The following ZNF385D variants were observed in gnomAD, a reference collection of about 807,000 sequenced individuals.
The protein encoded by ZNF385D is zinc finger protein 385D.
A neutral mutation model predicts 35.8 loss-of-function variants in ZNF385D; 15 were observed. That is an observed-to-expected ratio of 0.42 (90% CI 0.28 to 0.64). ZNF385D has a LOEUF of 0.64. ZNF385D is among the 30% of genes least tolerant of loss of function. The pLI is 0.23. For missense variants in ZNF385D, 474 were observed against 494.6 expected, an observed-to-expected ratio of 0.96 and a Z score of 0.39; for synonymous variants, 212 against 186.8, an observed-to-expected ratio of 1.13 and a Z score of -1.10.
chr3:22,014,265 A>G (rs1696747179), intron 3 of ZNF385D, among the ~76,000 whole-genome samples: 1 of 152,110 alleles, frequency 6.6e-6, no homozygotes, highest in South Asian at 2.1e-4. Flanking sequence ...GAAATTGCCC[A>G]ATGGCAAAAG....
chr3:22,341,686 T>C (rs1308215676), intron 2 of ZNF385D, among the ~76,000 whole-genome samples: 3 of 152,308 alleles, frequency 2.0e-5, no homozygotes, highest in Non-Finnish European at 2.9e-5. Context: ...TAGTCATATC[T>C]TTTGGAGGCT....
At chr3:22,065,672 T>G (rs1559342451) in intron 3 of ZNF385D, among the ~76,000 whole-genome samples, 1 of 152,072 alleles carries the variant, frequency 6.6e-6, no homozygotes, top group Non-Finnish European at 1.5e-5. Flanking sequence ...CACAGGACCA[T>G]AATCTAAAAG....
At chr3:22,029,277 G>A (rs1697763953) in intron 3 of ZNF385D, among the ~76,000 whole-genome samples, 1 of 152,186 alleles carries the variant, frequency 6.6e-6, no homozygotes, top group Admixed American at 6.5e-5. Flanking sequence ...CTCCAGCATG[G>A]AAGTAAGGAA....
At chr3:22,203,919 C>T (rs185041748) in intron 2 of ZNF385D, among the ~76,000 whole-genome samples, 157 of 152,110 alleles carry the variant, frequency 1.0e-3, no homozygotes, top group Non-Finnish European at 1.7e-3. Flanking sequence ...ACTTGTTGCC[C>T]GAAGGGAAGA....
At chr3:22,232,787 T>C (rs529029372) in intron 2 of ZNF385D, among the ~76,000 whole-genome samples, 47 of 152,168 alleles carry the variant, frequency 3.1e-4, no homozygotes, top group Non-Finnish European at 4.7e-4. Context: ...TTTGTCATTA[T>C]TGTGGCTTCA....
chr3:21,532,681 CAA>C (rs58032064), intron 3 of ZNF385D, among the ~76,000 whole-genome samples: 26 of 126,836 alleles, frequency 2.0e-4, no homozygotes, highest in African/African-American at 4.6e-4. Context: ...ATAATATTTC[CAA>C]AAAAAAAAAA....
intron 3 of ZNF385D, among the ~76,000 whole-genome samples, chr3:22,145,425 C>T (rs574004034): frequency 3.3e-4 from 50 of 152,348 alleles, no homozygotes; most frequent in African/African-American, 1.0e-3. Flanking sequence ...CTCCTCTCTT[C>T]ATACACCTTG....
chr3:22,206,969 G>GT lies in ZNF385D; in HGVS notation c.107-37935dup, dbSNP rs1002496771. Among the ~76,000 whole-genome samples, 4 of 151,664 alleles carry GT rather than the reference G, an allele frequency of 2.6e-5. No homozygotes were observed. The South Asian group carries it at 6.2e-4, about 24-fold the overall frequency. On this transcript the variant is annotated intron_variant, in intron 2 of 5. Coordinates refer to the ZNF385D transcript ENST00000494108. ...AATACCGAAGACTACAAAATGAAAA[G>GT]TTTTTTTGGATATATAAACAAAACT...
upstream of ZNF385D, among the ~76,000 whole-genome samples, chr3:21,752,181 A>G (rs973725764): frequency 6.6e-6 from 1 of 152,218 alleles, no homozygotes; most frequent in East Asian, 1.9e-4. Context: ...AGCTGTGCTG[A>G]TTAATACTTA....
intron 3 of ZNF385D, among the ~76,000 whole-genome samples, chr3:21,783,571 G>A (rs1437219248): frequency 6.6e-6 from 1 of 152,084 alleles, no homozygotes; most frequent in African/African-American, 2.4e-5. Flanking sequence ...TAACAGCATT[G>A]TTTAATGTAA....
chr3:22,224,286 C>T (rs1014215745), intron 2 of ZNF385D, among the ~76,000 whole-genome samples: 1 of 152,110 alleles, frequency 6.6e-6, no homozygotes, highest in Non-Finnish European at 1.5e-5. Context: ...TATTTTTAAT[C>T]TTCTTTGGAG....
intron 3 of ZNF385D, chr3:21,849,771 G>C (rs1031107977): frequency 4.6e-5 from 7 of 151,806 alleles, no homozygotes; most frequent in African/African-American, 1.7e-4. Flanking sequence ...TTATTGAGTA[G>C]AGGTCTAAAC....
chr3:21,821,226 G>C (rs1487322812), intron 3 of ZNF385D, among the ~76,000 whole-genome samples: 1 of 151,398 alleles, frequency 6.6e-6, no homozygotes, highest in East Asian at 1.9e-4. Context: ...CATAAATTTA[G>C]ATGAAAAAAA....
chr3:22,139,637 G>A (rs1182488762), intron 3 of ZNF385D, among the ~76,000 whole-genome samples: 2 of 150,486 alleles, frequency 1.3e-5, no homozygotes, highest in Non-Finnish European at 3.0e-5. Context: ...AGGAGGGAGG[G>A]ATAGCATTAG....
chr3:21,508,590 C>A (rs560179910), intron 4 of ZNF385D, among the ~76,000 whole-genome samples: 4 of 152,156 alleles, frequency 2.6e-5, no homozygotes, highest in African/African-American at 4.8e-5. Context: ...TGCAAAAGAC[C>A]CCATGAGTAT....
intron 2 of ZNF385D, among the ~76,000 whole-genome samples, chr3:22,299,422 T>G (rs1000945910): frequency 6.6e-6 from 1 of 151,668 alleles, no homozygotes; most frequent in Non-Finnish European, 1.5e-5. Flanking sequence ...ACGGGGGGAA[T>G]GGAGGAATAT....
At position 22,113,054 on chromosome 3, in the gene ZNF385D, T is replaced by A. The variant is rs115803651; in HGVS notation, c.325+55763A>T. 6.4e-3 allele frequency among the ~76,000 whole-genome samples: 979 copies of A among 152,216 alleles called. 14 individuals carry two copies. Among genetic ancestry groups the A allele is most frequent in the African/African-American group, 0.022 (909 of 41,566 alleles). On this transcript the variant is annotated intron_variant, in intron 3 of 5. Coordinates refer to the ZNF385D transcript ENST00000494108. Reference sequence around the variant, plus strand: ...TCGCATTTGTGGAAATGAAGTAGATTGGACCCAAAGTGACAAATCATTTAC... The same window carrying A: ...TCGCATTTGTGGAAATGAAGTAGATAGGACCCAAAGTGACAAATCATTTAC...
At chr3:21,565,293 C>T (rs1384447556) in intron 2 of ZNF385D, among the ~76,000 whole-genome samples, 1 of 151,930 alleles carries the variant, frequency 6.6e-6, no homozygotes, top group Non-Finnish European at 1.5e-5. Context: ...GGATTTGGGG[C>T]CAGATACCAG....
chr3:22,032,071 C>G, intron 3 of ZNF385D, among the ~76,000 whole-genome samples: 1 of 152,314 alleles, frequency 6.6e-6, no homozygotes, highest in African/African-American at 2.4e-5. Context: ...CCAATAAGTT[C>G]CTCATCTCCA....
Sources: gnomAD v4.1 joint callset for allele counts (sites outside exome capture counted in the v4.1 genomes callset) on GRCh38, gnomAD v4.1.1 for gene constraint, MANE v1.5 for transcripts, NCBI Gene and HGNC (gene_info 2026-07-23, HGNC 2026-07-21) for gene names.